The following YY1AP1 variants were observed in gnomAD, a reference collection of about 807,000 sequenced individuals.
The protein encoded by YY1AP1 is YY1-associated protein 1.
A neutral mutation model predicts 39.9 loss-of-function variants in YY1AP1; 43 were observed. That is an observed-to-expected ratio of 1.08 (90% CI 0.84 to 1.39). YY1AP1 has a LOEUF of 1.39. Ranked by LOEUF, YY1AP1 falls within the 40% of genes most tolerant of loss-of-function variation. YY1AP1 has a pLI of 0.00. For synonymous variants in YY1AP1, 292 were observed against 331.3 expected, an observed-to-expected ratio of 0.88 and a Z score of 1.29; for missense variants, 813 against 900.7, an observed-to-expected ratio of 0.90 and a Z score of 1.25.
intron 5 of YY1AP1, 112 bp from the exon 6 acceptor site, chr1:155,675,208 T>C (rs1159213053): frequency 2.2e-6 from 2 of 917,606 alleles, no homozygotes; most frequent in Admixed American, 2.1e-5. Context: ...TCACACAGCT[T>C]GGAGTGCAGT....
At chr1:155,662,208 A>G (rs901523612) in intron 9 of YY1AP1, among the ~76,000 whole-genome samples, 4 of 152,222 alleles carry the variant, frequency 2.6e-5, no homozygotes, top group Non-Finnish European at 4.4e-5. Flanking sequence ...AAGAGTAAAT[A>G]GGCTGGCCTT....
chr1:155,687,897 G>A (rs569040520), intron 2 of YY1AP1, 174 bp downstream of exon 2: 8,428 of 697,002 alleles, frequency 0.012, 80 homozygotes, highest in Non-Finnish European at 0.016. Context: ...ACCCCGCCTG[G>A]AGGGACTTCC....
chr1:155,683,414 T>A (rs1471645256), intron 2 of YY1AP1, among the ~76,000 whole-genome samples: 3 of 151,590 alleles, frequency 2.0e-5, no homozygotes, highest in Non-Finnish European at 2.9e-5. Flanking sequence ...TTTGGGAGGC[T>A]GAGGCAGGTG....
chr1:155,684,615 G>A (rs553290652), intron 2 of YY1AP1, among the ~76,000 whole-genome samples: 1 of 149,552 alleles, frequency 6.7e-6, no homozygotes, highest in South Asian at 2.1e-4. Context: ...CTGATGCCGA[G>A]GCTAGAGTGC....
At chr1:155,677,517 A>G (rs569616728) in intron 4 of YY1AP1, among the ~76,000 whole-genome samples, 3 of 152,348 alleles carry the variant, frequency 2.0e-5, no homozygotes, top group African/African-American at 4.8e-5. Context: ...CTGATACCCT[A>G]TGCAACAGGA....
chr1:155,688,331 C>T, intron 1 of YY1AP1, 130 bp from the exon 2 acceptor site: 5 of 1,551,516 alleles, frequency 3.2e-6, no homozygotes, highest in East Asian at 2.4e-5. Flanking sequence ...GCGGCGGCAG[C>T]GGCGGCAGCA....
Position 155,672,642 on chromosome 1 carries a change from C to G in YY1AP1, c.501G>C (p.Leu167Phe). 6.2e-7 allele frequency: 1 copy of G among 1,613,944 alleles called. No homozygotes were observed. The highest frequency in any genetic ancestry group is 8.5e-7 in the Non-Finnish European group (1 of 1,179,850). ...KFQTLFQPCNLMGAMQLIEDF... is the reference protein window; with the variant it reads ...KFQTLFQPCNFMGAMQLIEDF... ...CTTCAATCAGCTGCATAGCTCCCAT[C>G]AAGTTACAGGGTTGGAACAGGGTCT... The change falls in exon 7 of 11, where the codon TTG becomes TTC. Residue 167 changes from leucine (L) to phenylalanine (F), a missense_variant. Leu to Phe is a conservative substitution (Grantham distance 22). This residue lies in a region of YY1AP1 where 31 missense variants were observed against 63.7 expected (regional missense o/e 0.49). Coordinates refer to ENST00000355499, the MANE Select transcript of YY1AP1 (RefSeq NM_139119.3).
intron 8 of YY1AP1, 129 bp from the exon 9 acceptor site, chr1:155,668,906 T>C: frequency 7.3e-7 from 1 of 1,362,006 alleles, no homozygotes; most frequent in South Asian, 1.3e-5. Context: ...CTCTGTCACC[T>C]GGGCTGGAGT....
At chr1:155,672,448 G>T in intron 7 of YY1AP1, 112 bp downstream of exon 7, 6 of 1,214,168 alleles carry the variant, frequency 4.9e-6, no homozygotes, top group Non-Finnish European at 7.2e-6. Flanking sequence ...AATTACAAAT[G>T]TCCTGTGTCC....
In YY1AP1 at chr1:155,668,788, A is replaced by G; in HGVS notation, c.729-11T>C. The G allele has an allele frequency of 1.9e-6, 3 of 1,614,154 alleles. No homozygotes were observed. Among genetic ancestry groups the G allele is most frequent in the Non-Finnish European group, 1.7e-6 (2 of 1,180,026 alleles). On this transcript the variant is annotated splice_polypyrimidine_tract_variant and intron_variant, in intron 8 of 10. Coordinates refer to ENST00000355499, the MANE Select transcript of YY1AP1 (RefSeq NM_139119.3). ...CCTAAAGCTAACAAACTGAGAAAGG[A>G]GCAATAACACTAAATCTCACTTCAC...
chr1:155,672,429 G>A, intron 7 of YY1AP1, 131 bp downstream of exon 7: 1 of 950,590 alleles, frequency 1.1e-6, no homozygotes, highest in South Asian at 1.4e-5. Context: ...ATAAAAGAGA[G>A]AAGGAAGAAA....
intron 10 of YY1AP1, 105 bp from the exon 11 acceptor site, chr1:155,661,018 A>G: frequency 1.9e-6 from 3 of 1,575,142 alleles, no homozygotes; most frequent in Non-Finnish European, 1.7e-6. Flanking sequence ...GCATCTTTCC[A>G]AGGGACTCTG....
At chr1:155,670,240 C>G (rs1479813183) in intron 8 of YY1AP1, 80 bp downstream of exon 8, 3 of 1,583,912 alleles carry the variant, frequency 1.9e-6, no homozygotes, top group Non-Finnish European at 2.6e-6. Flanking sequence ...TCTTATTATA[C>G]AAGTCTTACT....
chr1:155,669,845 C>T (rs1257685712), intron 8 of YY1AP1, among the ~76,000 whole-genome samples: 1 of 151,994 alleles, frequency 6.6e-6, no homozygotes, highest in African/African-American at 2.4e-5. Flanking sequence ...CTGGGCAACA[C>T]AGAGATACCC....
intron 2 of YY1AP1, among the ~76,000 whole-genome samples, chr1:155,685,013 T>G (rs1420190876): frequency 3.3e-5 from 5 of 152,272 alleles, no homozygotes; most frequent in Admixed American, 1.3e-4. Flanking sequence ...TACCCAAAAA[T>G]GACATTAAGA....
intron 3 of YY1AP1, chr1:155,680,114 G>C: frequency 3.6e-6 from 1 of 274,742 alleles, no homozygotes; most frequent in South Asian, 4.2e-5. Flanking sequence ...GGAGGTCGAG[G>C]CTGCTGTGAG....
chr1:155,665,962 C>T (rs942353596), intron 9 of YY1AP1, among the ~76,000 whole-genome samples: 1 of 151,948 alleles, frequency 6.6e-6, no homozygotes, highest in Non-Finnish European at 1.5e-5. Flanking sequence ...GGAATAATGT[C>T]AGAGGGCTCA....
chr1:155,688,443 C>G (rs1653006315), intron 1 of YY1AP1: 1 of 1,548,606 alleles, frequency 6.5e-7, no homozygotes, highest in South Asian at 1.2e-5. Context: ...CACGGTCCCC[C>G]GCTTCGCCCG....
chr1:155,668,828 A>C (rs1253348207), intron 8 of YY1AP1, 51 bp from the exon 9 acceptor site: 2 of 1,613,180 alleles, frequency 1.2e-6, no homozygotes, highest in Admixed American at 3.3e-5. Context: ...CTTCCTTCTA[A>C]AGGGCCTCCC....
Sources: allele counts gnomAD v4.1 joint callset (sites outside exome capture counted in the v4.1 genomes callset), GRCh38; gene constraint gnomAD v4.1.1; regional missense constraint gnomAD v4.1.1; transcripts MANE v1.5; gene names NCBI Gene and HGNC (gene_info 2026-07-23, HGNC 2026-07-21).